The following WDR49 variants were observed in gnomAD, a reference collection of about 807,000 sequenced individuals.
The protein encoded by WDR49 is WD repeat domain 49.
A neutral mutation model predicts 119.5 loss-of-function variants in WDR49; 107 were observed. That is an observed-to-expected ratio of 0.90 (90% CI 0.77 to 1.05). WDR49 has a LOEUF of 1.05. Ranked by LOEUF, WDR49 falls within the 50% of genes least tolerant of loss-of-function variation. The pLI is 0.00. For synonymous variants in WDR49, 425 were observed against 418.8 expected (o/e 1.01, Z -0.18); for missense variants, 1,240 against 1,220.5 (o/e 1.02, Z -0.24).
At chr3:167,495,338 AACTGAAAG>A (rs751575959) in intron 18 of WDR49, among the ~76,000 whole-genome samples, 26,821 of 151,636 alleles carry the variant, frequency 0.18, 3,525 homozygotes, top group African/African-American at 0.37. Context: ...GGCATTCTAA[AACTGAAAG>A]TATATAAATA....
chr3:167,484,785 C>A (rs541342293), intron 18 of WDR49, among the ~76,000 whole-genome samples: 6 of 150,138 alleles, frequency 4.0e-5, no homozygotes, highest in Non-Finnish European at 8.9e-5. Context: ...TGGAATACCA[C>A]GGGTAAAAAA....
intron 10 of WDR49, among the ~76,000 whole-genome samples, chr3:167,540,198 T>A (rs1711698204): frequency 6.6e-6 from 1 of 152,142 alleles, no homozygotes; most frequent in South Asian, 2.1e-4. Context: ...CCTGAGTCTG[T>A]CCATGTGACA....
chr3:167,507,026 C>A (rs1012570549), intron 16 of WDR49, among the ~76,000 whole-genome samples: 2 of 152,164 alleles, frequency 1.3e-5, no homozygotes, highest in Non-Finnish European at 2.9e-5. Context: ...TTGATGTTAA[C>A]CTCAATTACC....
intron 10 of WDR49, among the ~76,000 whole-genome samples, chr3:167,553,806 C>G (rs767770293): frequency 7.9e-5 from 12 of 152,078 alleles, no homozygotes; most frequent in Non-Finnish European, 1.5e-4. Flanking sequence ...TGTCAAATTA[C>G]TCCTAAAAAT....
chr3:167,491,360 T>C (rs1751126453), intron 18 of WDR49, among the ~76,000 whole-genome samples: 1 of 152,110 alleles, frequency 6.6e-6, no homozygotes, highest in Non-Finnish European at 1.5e-5. Flanking sequence ...TACATTTTCA[T>C]GTTCTAGAAA....
chr3:167,556,750 G>A (rs1577237809), intron 9 of WDR49, among the ~76,000 whole-genome samples: 1 of 152,126 alleles, frequency 6.6e-6, no homozygotes. Flanking sequence ...GGCAGGGCCG[G>A]ATTCAGTGGC....
chr3:167,585,953 C>A (rs78342447), intron 7 of WDR49, among the ~76,000 whole-genome samples: 7,153 of 151,938 alleles, frequency 0.047, 554 homozygotes, highest in African/African-American at 0.16. Flanking sequence ...CATTTACCGG[C>A]GTACTTTAAA....
intron 2 of WDR49, among the ~76,000 whole-genome samples, chr3:167,651,373 T>C (rs953962929): frequency 1.3e-5 from 2 of 152,218 alleles, no homozygotes; most frequent in African/African-American, 4.8e-5. Context: ...GGGCATTTTA[T>C]CCTTTTACAG....
chr3:167,495,290 T>A (rs1158017141), intron 18 of WDR49, among the ~76,000 whole-genome samples: 1 of 151,790 alleles, frequency 6.6e-6, no homozygotes, highest in East Asian at 1.9e-4. Flanking sequence ...GAGAAAAATT[T>A]AACTGAGAAC....
At chr3:167,619,850 G>T (rs1366496637) in intron 5 of WDR49, among the ~76,000 whole-genome samples, 1 of 151,846 alleles carries the variant, frequency 6.6e-6, no homozygotes, top group Non-Finnish European at 1.5e-5. Flanking sequence ...CTAATTCATT[G>T]GTGACTAGGT....
At chr3:167,566,873 T>C in intron 8 of WDR49, 1 of 687,930 alleles carries the variant, frequency 1.5e-6, no homozygotes, top group South Asian at 1.5e-5. Flanking sequence ...TCTTCATTCG[T>C]GTCGTCTTCA....
intron 2 of WDR49, among the ~76,000 whole-genome samples, chr3:167,641,640 C>A (rs1252516894): frequency 6.6e-6 from 1 of 151,796 alleles, no homozygotes; most frequent in African/African-American, 2.4e-5. Flanking sequence ...GTAGATAGTT[C>A]AAATCAACAT....
chr3:167,621,097 C>A (rs1420014490), intron 4 of WDR49, among the ~76,000 whole-genome samples: 1 of 151,932 alleles, frequency 6.6e-6, no homozygotes, highest in South Asian at 2.1e-4. Context: ...GTAGGAAAAT[C>A]AGAACAATAA....
chr3:167,531,006 G>A, intron 13 of WDR49, 109 bp downstream of exon 13: 7 of 1,153,332 alleles, frequency 6.1e-6, no homozygotes, highest in Non-Finnish European at 8.4e-6. Context: ...ACACACTACT[G>A]ACTGGTTAGC....
At chr3:167,650,162 AT>A (rs1718305424) in intron 2 of WDR49, among the ~76,000 whole-genome samples, 1 of 152,152 alleles carries the variant, frequency 6.6e-6, no homozygotes, top group Admixed American at 6.6e-5. Context: ...CCAAAGTTCC[AT>A]TTTCCTTAGA....
intron 7 of WDR49, among the ~76,000 whole-genome samples, chr3:167,595,274 G>A (rs946091624): frequency 3.4e-4 from 52 of 152,250 alleles, no homozygotes; most frequent in Middle Eastern, 3.4e-3. Context: ...AATCAATATC[G>A]TGAAAATGGC....
chr3:167,492,091 C>T (rs895544535), intron 18 of WDR49, among the ~76,000 whole-genome samples: 5 of 150,582 alleles, frequency 3.3e-5, no homozygotes, highest in East Asian at 1.9e-4. Context: ...AGTGCAAAGA[C>T]GTAAGGTAGC....
At chr3:167,632,946 G>A (rs185379975) in intron 2 of WDR49, among the ~76,000 whole-genome samples, 103 of 152,086 alleles carry the variant, frequency 6.8e-4, no homozygotes, top group Non-Finnish European at 1.9e-4. Flanking sequence ...TGTACATATG[G>A]CACATGGGAT....
rs1000285656 is a variant in WDR49, at chr3:167,569,151, C to T, written c.1509+6767G>A. Among the ~76,000 whole-genome samples, 8 of 152,090 alleles carry T rather than the reference C, an allele frequency of 5.3e-5. No individual in the cohort carries two copies. The South Asian group carries it at 1.5e-3, about 28-fold the overall frequency. On this transcript the variant is annotated intron_variant, in intron 8 of 18. Coordinates refer to ENST00000682715, the MANE Select transcript of WDR49 (RefSeq NM_001366157.1). Reference sequence around the variant, plus strand: ...TAGAGATGGGGTTTTACCATGTTGGCCAGGCTGGTCTTGAACTCCTGACCT... The same window carrying T: ...TAGAGATGGGGTTTTACCATGTTGGTCAGGCTGGTCTTGAACTCCTGACCT...
Sources: gnomAD v4.1 joint callset for allele counts (sites outside exome capture counted in the v4.1 genomes callset) on GRCh38, gnomAD v4.1.1 for gene constraint, MANE v1.5 for transcripts, NCBI Gene and HGNC (gene_info 2026-07-23, HGNC 2026-07-21) for gene names.